CPSF4: variants seen among roughly 807,000 people sequenced by gnomAD.
CPSF4 encodes the protein cleavage and polyadenylation specific factor 4.
In CPSF4, 11 loss-of-function variants were observed where a neutral mutation model predicts 37.7. The ratio of observed to expected loss-of-function variants is 0.29; its 90% CI spans 0.18 to 0.48. The LOEUF is 0.48. Among genes scored for constraint, CPSF4 ranks in the 20% least tolerant of loss-of-function variants. The pLI is 0.99. For missense variants in CPSF4, 144 were observed against 359.5 expected, an observed-to-expected ratio of 0.40 and a Z score of 4.85; for synonymous variants, 132 against 135.9, an observed-to-expected ratio of 0.97 and a Z score of 0.20.
chr7:99,450,393 G>A, intron 4 of CPSF4, 22 bp downstream of exon 4: 3 of 1,561,026 alleles, frequency 1.9e-6, no homozygotes, highest in Non-Finnish European at 2.6e-6. Flanking sequence ...GGTGGGCTGG[G>A]CCCCGGGCAA....
chr7:99,446,594 T>G (rs1167375387), intron 2 of CPSF4, among the ~76,000 whole-genome samples: 1 of 151,284 alleles, frequency 6.6e-6, no homozygotes. Context: ...AATTCTGAAA[T>G]TGGTCTTTCC....
chr7:99,446,619 T>A (rs906290965), intron 2 of CPSF4, among the ~76,000 whole-genome samples: 187 of 148,626 alleles, frequency 1.3e-3, no homozygotes, highest in Middle Eastern at 3.4e-3. Context: ...TTTTTTTTTT[T>A]AAAAAAGAGG....
At chr7:99,447,982 C>A in intron 2 of CPSF4, 139 bp from the exon 3 acceptor site, 1 of 727,258 alleles carries the variant, frequency 1.4e-6, no homozygotes, top group Non-Finnish European at 2.3e-6. Context: ...GTGAGGGGGA[C>A]CTCTGCCCCT....
chr7:99,447,675 C>T (rs1280131039), intron 2 of CPSF4: 3 of 324,094 alleles, frequency 9.3e-6, no homozygotes, highest in Admixed American at 6.9e-5. Context: ...CTGCAAGCTC[C>T]GCCTCCCGGG....
intron 4 of CPSF4, 76 bp from the exon 5 acceptor site, chr7:99,450,626 C>A: frequency 8.3e-7 from 1 of 1,203,344 alleles, no homozygotes; most frequent in Non-Finnish European, 1.2e-6. Context: ...TGGGGGACAG[C>A]CAGCATTTGA....
At chr7:99,447,757 T>C (rs1277254877) in intron 2 of CPSF4, 11 of 434,986 alleles carry the variant, frequency 2.5e-5, no homozygotes, top group Non-Finnish European at 4.7e-6. Context: ...GCGCGGCTAA[T>C]TTTTTGTATT....
At position 99,448,328 on chromosome 7, in the gene CPSF4, C is replaced by G; in HGVS notation, c.307+55C>G. On this transcript the variant is annotated intron_variant, in intron 3 of 7. Transcript: ENST00000292476. The surrounding 1 kb of genome is among the most constrained non-coding windows in gnomAD (Gnocchi z 4.4). ...CTGAGAACCAGGGTGCAGAGGGGTC[C>G]GCTGGCTGCTCAGTGCCCACACTGT... 2 of 1,585,564 alleles carry G rather than the reference C, an allele frequency of 1.3e-6. No homozygotes were observed. The highest frequency in any genetic ancestry group is 2.2e-5 in the East Asian group (1 of 44,602).
In CPSF4 at chr7:99,440,674, A is replaced by ATATATATATATATGTTTTTTTTT; in HGVS notation, c.103+1490_103+1491insATATATATATATGTTTTTTTTTT. On this transcript the variant is annotated intron_variant, in intron 1 of 7. Coordinates refer to ENST00000292476, the MANE Select transcript of CPSF4 (RefSeq NM_006693.4). ...ACCTGGCATATATATATATATATATATTTTTTTTTTTTTTTTTTTCCTGCC... is the reference window on the plus strand; with the variant it reads ...ACCTGGCATATATATATATATATATATATATATATATATGTTTTTTTTTTTTTTTTTTTTTTTTTTTTCCTGCC... 3.4e-5 allele frequency among the ~76,000 whole-genome samples: 3 copies of ATATATATATATATGTTTTTTTTT among 88,130 alleles called. 1 individual carries two copies. Among genetic ancestry groups the ATATATATATATATGTTTTTTTTT allele is most frequent in the Admixed American group, 2.3e-4 (2 of 8,600 alleles). The allele number at this position is 88,130 out of a possible 152,430, so 57.8% of individuals were successfully genotyped here.
At chr7:99,450,425 GC>G in intron 4 of CPSF4, 54 bp downstream of exon 4, 1 of 1,296,822 alleles carries the variant, frequency 7.7e-7, no homozygotes, top group Non-Finnish European at 1.1e-6. Flanking sequence ...TCCCTTCTCT[GC>G]CCACGACCCT....
rs1584502941 is a variant in CPSF4 at position 99,448,404 on chromosome 7, A to C, written c.307+131A>C. The C allele has an allele frequency of 2.1e-6, 2 of 970,046 alleles. No individual in the cohort carries two copies. Among genetic ancestry groups the C allele is most frequent in the South Asian group, 1.8e-5 (1 of 55,372 alleles). 60.1% of individuals were successfully genotyped at this position (970,046 alleles called of 1,614,324 possible). On this transcript the variant is annotated intron_variant, in intron 3 of 7. Transcript: ENST00000292476. This position sits in a 1 kb window ranked among gnomAD's most constrained non-coding sequence, Gnocchi z 4.4. ...ATTCTCAGAGGAGAACTCTGGCAGA[A>C]CCTGCCAGCCTCAGCCAGCTTTTAG...
chr7:99,440,639 G>C (rs187511196), intron 1 of CPSF4, among the ~76,000 whole-genome samples: 1 of 127,140 alleles, frequency 7.9e-6, no homozygotes, highest in Admixed American at 8.1e-5. Flanking sequence ...TTATAGGCAT[G>C]AGCCACTGCA....
intron 1 of CPSF4, among the ~76,000 whole-genome samples, chr7:99,444,154 G>A (rs1007190817): frequency 6.6e-6 from 1 of 151,998 alleles, no homozygotes; most frequent in Non-Finnish European, 1.5e-5. Context: ...TGAGCTAGGG[G>A]CCGTTAATTT....
chr7:99,453,858 C>A lies in CPSF4; in HGVS notation c.571-108C>A. 2 of 1,062,700 alleles carry A rather than the reference C, an allele frequency of 1.9e-6. No individual in the cohort carries two copies. The highest frequency in any genetic ancestry group is 1.4e-6 in the Non-Finnish European group (1 of 716,984). The allele number at this position is 1,062,700 out of a possible 1,614,324, so 65.8% of individuals were successfully genotyped here. On this transcript the variant is annotated intron_variant, in intron 6 of 7. Coordinates refer to ENST00000292476, the MANE Select transcript of CPSF4 (RefSeq NM_006693.4). This position sits in a 1 kb window ranked among gnomAD's most constrained non-coding sequence, Gnocchi z 4.7. ...GAGGTGGGCCGTCGTGGAAGCCCTGCTTCCTGCCGTTTGCGGGACGAGTCC... is the reference window on the plus strand; with the variant it reads ...GAGGTGGGCCGTCGTGGAAGCCCTGATTCCTGCCGTTTGCGGGACGAGTCC...
At chr7:99,444,961 G>C in intron 2 of CPSF4, 122 bp downstream of exon 2, 1 of 874,078 alleles carries the variant, frequency 1.1e-6, no homozygotes, top group Non-Finnish European at 1.8e-6. Context: ...AACGATCTCT[G>C]TAGATAAAAC....
At chr7:99,443,181 C>T (rs879130330) in intron 1 of CPSF4, 2 of 784,082 alleles carry the variant, frequency 2.6e-6, no homozygotes, top group South Asian at 1.3e-5. Context: ...CACAGGTACA[C>T]TGAATTGTTC....
rs1390627296 is a variant in CPSF4 at position 99,453,738 on chromosome 7, CTATTT to C, written c.571-221_571-217del. On this transcript the variant is annotated intron_variant, in intron 6 of 7. Coordinates refer to ENST00000292476, the MANE Select transcript of CPSF4 (RefSeq NM_006693.4). This position sits in a 1 kb window ranked among gnomAD's most constrained non-coding sequence, Gnocchi z 4.7. ...TCTTGTCTCTTTGATGTTTTGTTTT[CTATTT>C]TATTTTTCGTTTTTGTGTGTCTGCA... 5.7e-6 allele frequency: 3 copies of C among 524,348 alleles called. No individual in the cohort carries two copies. Among genetic ancestry groups the C allele is most frequent in the African/African-American group, 3.9e-5 (2 of 51,854 alleles). The allele number at this position is 524,348 out of a possible 1,614,324, so 32.5% of individuals were successfully genotyped here.
intron 5 of CPSF4, among the ~76,000 whole-genome samples, chr7:99,451,482 G>A (rs746969097): frequency 5.3e-5 from 8 of 152,344 alleles, no homozygotes; most frequent in Middle Eastern, 3.4e-3. Context: ...GCGCGTGCCT[G>A]TAGTCCCAGC....
chr7:99,456,986 T>C lies in CPSF4; in HGVS notation c.*486T>C, dbSNP rs984587720. On this transcript the variant is annotated 3_prime_UTR_variant, in exon 8 of 8. Coordinates refer to ENST00000292476, the MANE Select transcript of CPSF4 (RefSeq NM_006693.4). Reference sequence around the variant, plus strand: ...CTGTGATTTGAATGAGGGAGCCCTTTGGGGCAAATTCAGGTGCCCCCATTG... The same window carrying C: ...CTGTGATTTGAATGAGGGAGCCCTTCGGGGCAAATTCAGGTGCCCCCATTG... 13 of 264,914 alleles carry C rather than the reference T, an allele frequency of 4.9e-5. No homozygotes were observed. The highest frequency in any genetic ancestry group is 1.8e-4 in the African/African-American group (8 of 45,572). 16.4% of individuals were successfully genotyped at this position (264,914 alleles called of 1,614,324 possible). A position where few individuals can be genotyped will look rare whatever the true frequency, so the allele number is the denominator to read the frequency against.
At chr7:99,449,387 G>A (rs1276303158) in intron 3 of CPSF4, among the ~76,000 whole-genome samples, 1 of 152,240 alleles carries the variant, frequency 6.6e-6, no homozygotes, top group Admixed American at 6.5e-5. Flanking sequence ...GCCCATAGCA[G>A]CACTGGGGCA....
Sources: allele counts gnomAD v4.1 joint callset (sites outside exome capture counted in the v4.1 genomes callset), GRCh38; gene constraint gnomAD v4.1.1; non-coding constraint Gnocchi (gnomAD v3.1); transcripts MANE v1.5; gene names NCBI Gene and HGNC (gene_info 2026-07-23, HGNC 2026-07-21).